PTPRG: variants seen among roughly 807,000 people sequenced by gnomAD.
The protein encoded by PTPRG is receptor-type tyrosine-protein phosphatase gamma.
A neutral mutation model predicts 165.3 loss-of-function variants in PTPRG; 102 were observed. The ratio of observed to expected loss-of-function variants is 0.62; its 90% CI spans 0.53 to 0.73. The LOEUF (loss-of-function observed/expected upper bound fraction) is 0.73. Among genes scored for constraint, PTPRG ranks in the 30% least tolerant of loss-of-function variants. The pLI is 0.00. For missense variants in PTPRG, 1,866 were observed against 1,861.4 expected, an observed-to-expected ratio of 1.00 and a Z score of -0.05; for synonymous variants, 675 against 669.5, an observed-to-expected ratio of 1.01 and a Z score of -0.13.
intron 4 of PTPRG, among the ~76,000 whole-genome samples, chr3:62,039,652 G>C (rs1700063743): frequency 6.6e-6 from 1 of 152,152 alleles, no homozygotes; most frequent in Non-Finnish European, 1.5e-5. Context: ...TTCATAGATA[G>C]ATCATTTAAA....
chr3:61,647,208 G>A (rs778485592), intron 1 of PTPRG, among the ~76,000 whole-genome samples: 1 of 152,282 alleles, frequency 6.6e-6, no homozygotes, highest in East Asian at 1.9e-4. Context: ...TACTAAGCAC[G>A]TGATAACTGG....
chr3:62,267,991 A>G (rs1701939044), intron 19 of PTPRG, among the ~76,000 whole-genome samples, 172 bp downstream of exon 19: 1 of 152,130 alleles, frequency 6.6e-6, no homozygotes, highest in African/African-American at 2.4e-5. Flanking sequence ...CTAAGGCATT[A>G]TGAGAGTAAA....
At chr3:61,568,991 G>A (rs892509821) in intron 1 of PTPRG, among the ~76,000 whole-genome samples, 3 of 152,134 alleles carry the variant, frequency 2.0e-5, no homozygotes, top group African/African-American at 7.2e-5. Context: ...TATGTGCCTG[G>A]TTTCTGTTTT....
At chr3:61,592,990 T>C (rs545217875) in intron 1 of PTPRG, among the ~76,000 whole-genome samples, 1 of 152,276 alleles carries the variant, frequency 6.6e-6, no homozygotes, top group East Asian at 1.9e-4. Flanking sequence ...TAGGGTATTC[T>C]AGGATATTCT....
intron 1 of PTPRG, among the ~76,000 whole-genome samples, chr3:61,648,686 ACAGT>A (rs749372427): frequency 5.3e-5 from 8 of 152,198 alleles, no homozygotes; most frequent in Non-Finnish European, 1.2e-4. Context: ...CATCTGTAAT[ACAGT>A]CAGAGAGAGA....
chr3:61,724,217 C>CCAAAAAAA, intron 1 of PTPRG, among the ~76,000 whole-genome samples: 1 of 128,716 alleles, frequency 7.8e-6, no homozygotes, highest in East Asian at 2.6e-4. Flanking sequence ...CTCCCATCTC[C>CCAAAAAAA]AAAAAAAAAA....
rs1007622928 is a variant in PTPRG at position 61,778,394 on chromosome 3, C to T, written c.190+29412C>T. Among the ~76,000 whole-genome samples, 12 of 152,136 alleles carry T rather than the reference C, an allele frequency of 7.9e-5. No homozygotes were observed. In the East Asian group the frequency reaches 1.2e-3, roughly 15 times the overall value. On this transcript the variant is annotated intron_variant, in intron 2 of 29. Coordinates refer to ENST00000474889, the MANE Select transcript of PTPRG (RefSeq NM_002841.4). ...TTACAAAGCTGCACTCCTATGCAAACGTCTGATTGGGTGGGGAAAAGCAAC... is the reference window on the plus strand; with the variant it reads ...TTACAAAGCTGCACTCCTATGCAAATGTCTGATTGGGTGGGGAAAAGCAAC...
At chr3:61,924,701 A>C (rs192328734) in intron 2 of PTPRG, among the ~76,000 whole-genome samples, 1 of 152,208 alleles carries the variant, frequency 6.6e-6, no homozygotes, top group East Asian at 1.9e-4. Context: ...GGGTCAGTAA[A>C]GTTTTTCTGA....
intron 2 of PTPRG, among the ~76,000 whole-genome samples, chr3:61,980,917 T>G (rs2040626654): frequency 6.6e-6 from 1 of 152,222 alleles, no homozygotes; most frequent in Non-Finnish European, 1.5e-5. Flanking sequence ...CTACAGGCTC[T>G]GAACAAAATT....
At chr3:61,842,272 A>G (rs1407790920) in intron 2 of PTPRG, among the ~76,000 whole-genome samples, 1 of 152,202 alleles carries the variant, frequency 6.6e-6, no homozygotes, top group Non-Finnish European at 1.5e-5. Flanking sequence ...TATTGCTTCT[A>G]AAGGCAATGC....
intron 15 of PTPRG, among the ~76,000 whole-genome samples, chr3:62,250,548 CTTAAGA>C (rs768831703): frequency 2.0e-5 from 3 of 152,212 alleles, no homozygotes; most frequent in Admixed American, 6.5e-5. Flanking sequence ...TCTGTTATTC[CTTAAGA>C]TTAAGAGAAA....
At chr3:61,903,459 C>T (rs987053926) in intron 2 of PTPRG, among the ~76,000 whole-genome samples, 6 of 152,122 alleles carry the variant, frequency 3.9e-5, no homozygotes, top group East Asian at 1.9e-4. Context: ...CTGCAACCTC[C>T]GCCTCTCGGG....
At chr3:62,124,693 G>T (rs1312064034) in intron 5 of PTPRG, 2 of 630,408 alleles carry the variant, frequency 3.2e-6, no homozygotes, top group Admixed American at 2.8e-5. Flanking sequence ...AGCTAGCTGC[G>T]CTTGGCACCG....
chr3:61,999,819 A>C (rs186461069), intron 3 of PTPRG, among the ~76,000 whole-genome samples: 3 of 152,324 alleles, frequency 2.0e-5, no homozygotes, highest in Non-Finnish European at 4.4e-5. Context: ...TTTTAGGGTT[A>C]TGCTTATTCT....
At chr3:62,026,728 T>C (rs1459133081) in intron 4 of PTPRG, among the ~76,000 whole-genome samples, 1 of 151,708 alleles carries the variant, frequency 6.6e-6, no homozygotes, top group African/African-American at 2.4e-5. Context: ...CTACTAAAAA[T>C]ACAGAAAATT....
At chr3:61,613,253 A>G (rs1701222382) in intron 1 of PTPRG, among the ~76,000 whole-genome samples, 1 of 152,212 alleles carries the variant, frequency 6.6e-6, no homozygotes, top group South Asian at 2.1e-4. Flanking sequence ...AGATGAAAAT[A>G]TGCTAAAATC....
In PTPRG at chr3:62,065,429, G is replaced by A. The variant is rs903849289; in HGVS notation, c.520-12734G>A. Among the ~76,000 whole-genome samples, 18 of 152,286 alleles carry A rather than the reference G, an allele frequency of 1.2e-4. 1 individual carries two copies. Among genetic ancestry groups the A allele is most frequent in the African/African-American group, 4.3e-4 (18 of 41,576 alleles). Reference sequence around the variant, plus strand: ...TGTCTGATCAATGAACTGTTGAAGTGATGGACACTGTTCAGTGAATACATG... The same window carrying A: ...TGTCTGATCAATGAACTGTTGAAGTAATGGACACTGTTCAGTGAATACATG... On this transcript the variant is annotated intron_variant, in intron 4 of 29. Coordinates refer to ENST00000474889, the MANE Select transcript of PTPRG (RefSeq NM_002841.4).
At chr3:61,665,348 T>A (rs1209157654) in intron 1 of PTPRG, among the ~76,000 whole-genome samples, 1 of 152,094 alleles carries the variant, frequency 6.6e-6, no homozygotes, top group Non-Finnish European at 1.5e-5. Flanking sequence ...TTTATTTGAG[T>A]CAATGATTTT....
chr3:62,289,597 AT>A (rs1702799113), intron 28 of PTPRG, among the ~76,000 whole-genome samples: 1 of 151,820 alleles, frequency 6.6e-6, no homozygotes, highest in Non-Finnish European at 1.5e-5. Flanking sequence ...AGCTTTTGAT[AT>A]ATTATCAAAA....
Sources: allele counts gnomAD v4.1 joint callset (sites outside exome capture counted in the v4.1 genomes callset), GRCh38; gene constraint gnomAD v4.1.1; transcripts MANE v1.5; gene names NCBI Gene and HGNC (gene_info 2026-07-23, HGNC 2026-07-21).